ST3GAL3: variants seen among roughly 807,000 people sequenced by gnomAD.
The protein encoded by ST3GAL3 is ST3 beta-galactoside alpha-2,3-sialyltransferase 3.
ST3GAL3 carries 21 observed loss-of-function variants against 50.1 expected under a neutral mutation model. That is an observed-to-expected ratio of 0.42 (90% CI 0.30 to 0.60). The LOEUF (loss-of-function observed/expected upper bound fraction) is 0.60, where lower values mean the gene tolerates loss of function less well. Among genes scored for constraint, ST3GAL3 ranks in the 20% least tolerant of loss-of-function variants. The probability of loss-of-function intolerance (pLI) is 0.19; values close to 1 mark genes in which losing one functional copy is unlikely to be tolerated. For synonymous variants in ST3GAL3, 183 were observed against 190.0 expected (o/e 0.96, Z 0.30); for missense variants, 353 against 489.4 (o/e 0.72, Z 2.63).
intron 2 of ST3GAL3, among the ~76,000 whole-genome samples, chr1:43,744,683 T>TAAATAAATAAATA (rs1340747335): frequency 2.9e-4 from 42 of 143,056 alleles, no homozygotes; most frequent in Non-Finnish European, 5.2e-4. Context: ...AATAAATAAA[T>TAAATAAATAAATA]AAATAAAATA....
At chr1:43,921,787 G>T in intron 11 of ST3GAL3, 1 of 398,760 alleles carries the variant, frequency 2.5e-6, no homozygotes. Context: ...GCCACAGAGG[G>T]GACTCTGATC....
chr1:43,899,754 C>A lies in ST3GAL3; in HGVS notation c.744+27C>A, dbSNP rs771066098. 1.2e-6 allele frequency: 2 copies of A among 1,608,206 alleles called. No individual in the cohort carries two copies. On this transcript the variant is annotated intron_variant, in intron 9 of 11. Coordinates refer to ENST00000347631, the MANE Select transcript of ST3GAL3 (RefSeq NM_006279.5). This position sits in a 1 kb window ranked among gnomAD's most constrained non-coding sequence, Gnocchi z 5.4. ...TAAGCTCTCCTGGCACCAGCTTCTT[C>A]CCCTCTTGCCCTGGGCTTCCGCAAC...
intron 5 of ST3GAL3, among the ~76,000 whole-genome samples, chr1:43,888,352 A>G (rs1203360520): frequency 6.6e-6 from 1 of 152,180 alleles, no homozygotes; most frequent in African/African-American, 2.4e-5. Flanking sequence ...AACAACAACA[A>G]CAACAAAAAC....
At chr1:43,787,004 T>A (rs1400189378) in intron 2 of ST3GAL3, among the ~76,000 whole-genome samples, 1 of 152,236 alleles carries the variant, frequency 6.6e-6, no homozygotes, top group African/African-American at 2.4e-5. Flanking sequence ...TGGAAACTTG[T>A]CCAATGGCAG....
At chr1:43,871,137 C>T (rs953479794) in intron 5 of ST3GAL3, among the ~76,000 whole-genome samples, 3 of 152,254 alleles carry the variant, frequency 2.0e-5, no homozygotes, top group Admixed American at 1.3e-4. Context: ...AGCCATGGCC[C>T]GAATGAGCAG....
chr1:43,806,327 G>T (rs866208929), intron 3 of ST3GAL3, among the ~76,000 whole-genome samples: 3 of 152,116 alleles, frequency 2.0e-5, no homozygotes, highest in Admixed American at 6.6e-5. Flanking sequence ...TAGCTCTCAG[G>T]CATAAAGGCT....
At chr1:43,884,477 A>C (rs1311592334) in intron 5 of ST3GAL3, among the ~76,000 whole-genome samples, 1 of 152,200 alleles carries the variant, frequency 6.6e-6, no homozygotes, top group Non-Finnish European at 1.5e-5. Context: ...CTTCCTGTGC[A>C]TGGCCCTTTA....
intron 1 of ST3GAL3, among the ~76,000 whole-genome samples, chr1:43,720,154 A>G (rs1233870671): frequency 6.6e-6 from 1 of 151,682 alleles, no homozygotes; most frequent in African/African-American, 2.4e-5. Flanking sequence ...GCTTGAGCCT[A>G]GGAGGTTGCA....
intron 5 of ST3GAL3, among the ~76,000 whole-genome samples, chr1:43,843,570 G>A (rs935988517): frequency 1.3e-5 from 2 of 152,066 alleles, no homozygotes; most frequent in African/African-American, 4.8e-5. Context: ...GATGTCTTTA[G>A]TTTTGGTAAT....
intron 5 of ST3GAL3, among the ~76,000 whole-genome samples, chr1:43,854,555 T>C (rs2067970985): frequency 6.6e-6 from 1 of 152,068 alleles, no homozygotes; most frequent in Admixed American, 6.5e-5. Flanking sequence ...CGGTTATAGC[T>C]CTCCTCTCTT....
intron 2 of ST3GAL3, among the ~76,000 whole-genome samples, chr1:43,752,966 CAT>C (rs1482658949): frequency 1.3e-5 from 2 of 152,178 alleles, no homozygotes; most frequent in African/African-American, 4.8e-5. Flanking sequence ...AACAGTAACT[CAT>C]ATATGCCTTG....
At chr1:43,870,317 G>A (rs147704447) in intron 5 of ST3GAL3, among the ~76,000 whole-genome samples, 1 of 152,254 alleles carries the variant, frequency 6.6e-6, no homozygotes, top group Admixed American at 6.5e-5. Context: ...CCCTGTAAGT[G>A]ACATAAGTAG....
In ST3GAL3 at chr1:43,765,774, TGTGTGTGTGTGC is replaced by T. The variant is rs1287951904; in HGVS notation, c.119-26326_119-26315del. On this transcript the variant is annotated intron_variant, in intron 2 of 11. Coordinates refer to ENST00000347631, the MANE Select transcript of ST3GAL3 (RefSeq NM_006279.5). Reference sequence around the variant, plus strand: ...GTGTCTGTGTGTGTGTGTGTGTGTGTGTGTGTGTGTGCGCGCGCGCGCGCGCGTCCGCGCGTC... The same window carrying T: ...GTGTCTGTGTGTGTGTGTGTGTGTGTGCGCGCGCGCGCGCGTCCGCGCGTC... 1.8e-3 allele frequency among the ~76,000 whole-genome samples: 234 copies of T among 126,866 alleles called. 1 individual carries two copies. The highest frequency in any genetic ancestry group is 3.7e-3 in the African/African-American group (118 of 31,810). 83.2% of individuals were successfully genotyped at this position (126,866 alleles called of 152,430 possible).
intron 5 of ST3GAL3, among the ~76,000 whole-genome samples, chr1:43,874,975 G>C (rs1305399089): frequency 1.3e-5 from 2 of 152,204 alleles, no homozygotes; most frequent in Non-Finnish European, 2.9e-5. Context: ...CCAGCAACCA[G>C]CATGGTTGTT....
chr1:43,744,687 T>TAAATAAATAAATAAATAAAA (rs1558109543), intron 2 of ST3GAL3, among the ~76,000 whole-genome samples: 3 of 135,434 alleles, frequency 2.2e-5, no homozygotes, highest in Non-Finnish European at 3.2e-5. Context: ...AATAAATAAA[T>TAAATAAATAAATAAATAAAA]AAAATAAAAT....
At chr1:43,758,312 G>A (rs894954414) in intron 2 of ST3GAL3, among the ~76,000 whole-genome samples, 4 of 152,238 alleles carry the variant, frequency 2.6e-5, no homozygotes, top group African/African-American at 9.6e-5. Context: ...GTGCAGTGGT[G>A]CAATTATAGT....
intron 4 of ST3GAL3, among the ~76,000 whole-genome samples, chr1:43,820,683 C>T (rs576552958): frequency 1.9e-4 from 29 of 151,582 alleles, no homozygotes; most frequent in South Asian, 6.4e-4. Flanking sequence ...CTGCTTGTAT[C>T]TACATGACAA....
intron 5 of ST3GAL3, chr1:43,842,441 C>G (rs1388426981): frequency 6.6e-6 from 1 of 152,126 alleles, no homozygotes; most frequent in African/African-American, 2.4e-5. Flanking sequence ...TAAGCAGATG[C>G]CAGCACCACT....
At chr1:43,901,617 C>T (rs1405142751) in intron 9 of ST3GAL3, among the ~76,000 whole-genome samples, 1 of 152,248 alleles carries the variant, frequency 6.6e-6, no homozygotes, top group East Asian at 1.9e-4. Context: ...CAGGGCCTTG[C>T]TTTTCCCAGG....
Sources: allele counts gnomAD v4.1 joint callset (sites outside exome capture counted in the v4.1 genomes callset), GRCh38; gene constraint gnomAD v4.1.1; non-coding constraint Gnocchi (gnomAD v3.1); transcripts MANE v1.5; gene names NCBI Gene and HGNC (gene_info 2026-07-23, HGNC 2026-07-21).